Variants in FAT3 observed in about 807,000 individuals in gnomAD.
The protein encoded by FAT3 is protocadherin Fat 3.
A neutral mutation model predicts 310.2 loss-of-function variants in FAT3; 95 were observed. That is an observed-to-expected ratio of 0.31 (90% CI 0.26 to 0.36). The LOEUF is 0.36. FAT3 is among the 10% of genes least tolerant of loss of function. FAT3 has a pLI of 1.00. For synonymous variants in FAT3, 2,314 were observed against 2,192.9 expected (o/e 1.06, Z -1.54); for missense variants, 5,408 against 5,715.6 (o/e 0.95, Z 1.74).
rs747574052 is a variant in FAT3, at chr11:92,887,141, C to T, written c.13051+28C>T. On this transcript the variant is annotated intron_variant, in intron 25 of 27. Coordinates refer to ENST00000525166, the MANE Select transcript of FAT3 (RefSeq NM_001367949.2). ...AAGAAGTCATCAGATTTGTTCGGAG[C>T]GGGTGGGTTCTGCTTCCTGTTCTGG... 36 of 1,569,638 alleles carry T rather than the reference C, an allele frequency of 2.3e-5. No individual in the cohort carries two copies. In the East Asian group the frequency reaches 4.1e-4, roughly 18 times the overall value.
rs149423700 is a variant in FAT3, at chr11:92,876,033, G to A, written c.12128-4698G>A. On this transcript the variant is annotated intron_variant, in intron 22 of 27. Coordinates refer to ENST00000525166, the MANE Select transcript of FAT3 (RefSeq NM_001367949.2). Reference sequence around the variant, plus strand: ...TTTAAATGTCCCTCAGATCTGGACCGCCCCTCCTTGACCCTCCCCTGCCCC... The same window carrying A: ...TTTAAATGTCCCTCAGATCTGGACCACCCCTCCTTGACCCTCCCCTGCCCC... 1.4e-3 allele frequency among the ~76,000 whole-genome samples: 213 copies of A among 152,156 alleles called. 4 individuals carry two copies. In the East Asian group the frequency reaches 0.032, roughly 23 times the overall value.
chr11:92,262,349 G>C (rs1293929211), intron 1 of FAT3, among the ~76,000 whole-genome samples: 1 of 152,076 alleles, frequency 6.6e-6, no homozygotes, highest in Non-Finnish European at 1.5e-5. Flanking sequence ...TGGTTCTTTT[G>C]AGGACTGAAT....
At chr11:92,301,954 ACAT>A (rs1232427357) in intron 1 of FAT3, among the ~76,000 whole-genome samples, 1 of 152,102 alleles carries the variant, frequency 6.6e-6, no homozygotes, top group Non-Finnish European at 1.5e-5. Context: ...AATTCTACTG[ACAT>A]CATACTAATG....
intron 2 of FAT3, among the ~76,000 whole-genome samples, chr11:92,472,369 AT>A (rs961782013): frequency 6.6e-6 from 1 of 151,844 alleles, no homozygotes; most frequent in African/African-American, 2.4e-5. Context: ...TATTTTGAAT[AT>A]TTTTTTCTAC....
chr11:92,792,661 G>A (rs1486547783), intron 8 of FAT3, 106 bp from the exon 9 acceptor site: 2 of 1,059,520 alleles, frequency 1.9e-6, no homozygotes, highest in African/African-American at 3.1e-5. Context: ...ACTGGGTCAA[G>A]CACTTTGCGT....
intron 2 of FAT3, among the ~76,000 whole-genome samples, chr11:92,374,364 G>A (rs948471320): frequency 6.6e-6 from 1 of 152,192 alleles, no homozygotes; most frequent in Non-Finnish European, 1.5e-5. Context: ...GTGCTAAGCA[G>A]AAAAATAATG....
At chr11:92,241,011 A>G (rs1400032313) in intron 1 of FAT3, among the ~76,000 whole-genome samples, 1 of 152,030 alleles carries the variant, frequency 6.6e-6, no homozygotes, top group Non-Finnish European at 1.5e-5. Context: ...GTCACAACAA[A>G]ATAAAGCATG....
intron 20 of FAT3, among the ~76,000 whole-genome samples, chr11:92,858,642 A>G (rs1461749048): frequency 6.6e-6 from 1 of 152,248 alleles, no homozygotes; most frequent in Non-Finnish European, 1.5e-5. Context: ...AAGTGTGACT[A>G]CATGAATTTC....
chr11:92,388,608 T>A (rs1949679639), intron 2 of FAT3, among the ~76,000 whole-genome samples: 1 of 152,196 alleles, frequency 6.6e-6, no homozygotes, highest in South Asian at 2.1e-4. Flanking sequence ...TAGGATTTCC[T>A]TGTGGAGGGA....
intron 3 of FAT3, among the ~76,000 whole-genome samples, chr11:92,680,416 A>G (rs1239683257): frequency 6.6e-6 from 1 of 152,188 alleles, no homozygotes; most frequent in Admixed American, 6.5e-5. Context: ...TAAGTTGGCA[A>G]TAAATGTGTG....
At chr11:92,238,242 A>G (rs1864518138) in intron 1 of FAT3, among the ~76,000 whole-genome samples, 1 of 152,132 alleles carries the variant, frequency 6.6e-6, no homozygotes, top group Non-Finnish European at 1.5e-5. Context: ...TTTCTTCAAA[A>G]ATTATGCTAA....
chr11:92,489,881 C>A (rs1401349498), intron 2 of FAT3, among the ~76,000 whole-genome samples: 2 of 146,408 alleles, frequency 1.4e-5, no homozygotes, highest in Non-Finnish European at 3.0e-5. Context: ...TAGTTTTTTT[C>A]TTTTTCTTTT....
chr11:92,315,727 GCC>G (rs1375567887), intron 1 of FAT3, among the ~76,000 whole-genome samples: 1 of 151,588 alleles, frequency 6.6e-6, no homozygotes, highest in Admixed American at 6.6e-5. Context: ...TCTCCATGTT[GCC>G]CAGGCTGGTG....
At chr11:92,579,979 C>A (rs942783224) in intron 3 of FAT3, among the ~76,000 whole-genome samples, 1 of 152,084 alleles carries the variant, frequency 6.6e-6, no homozygotes, top group African/African-American at 2.4e-5. Flanking sequence ...AATAATTTGT[C>A]ATAGGCTAGA....
At chr11:92,268,733 A>T (rs1235084605) in intron 1 of FAT3, among the ~76,000 whole-genome samples, 1 of 152,250 alleles carries the variant, frequency 6.6e-6, no homozygotes, top group South Asian at 2.1e-4. Flanking sequence ...ATTCATGGAG[A>T]TTGACTAAAA....
intron 3 of FAT3, among the ~76,000 whole-genome samples, chr11:92,526,809 A>G (rs1267437085): frequency 2.6e-5 from 4 of 152,318 alleles, no homozygotes; most frequent in Middle Eastern, 3.4e-3. Context: ...CATTTTTGCC[A>G]GGAATGACAT....
At chr11:92,864,395 T>A (rs908365700) in intron 21 of FAT3, among the ~76,000 whole-genome samples, 3 of 152,220 alleles carry the variant, frequency 2.0e-5, no homozygotes, top group Admixed American at 2.0e-4. Flanking sequence ...GATGATTTAT[T>A]ACTTACATTA....
In FAT3 at chr11:92,663,635, C is replaced by T. The variant is rs559622548; in HGVS notation, c.3608-33749C>T. Among the ~76,000 whole-genome samples, 3 of 152,246 alleles carry T rather than the reference C, an allele frequency of 2.0e-5. No individual in the cohort carries two copies. The East Asian group carries it at 5.8e-4, about 29-fold the overall frequency. ...CTGCTCAGTTGGTCAAACTGAAAAG[C>T]ACATTAAAAAAAGTTATCGCCCTTA... On this transcript the variant is annotated intron_variant, in intron 3 of 27. Coordinates refer to ENST00000525166, the MANE Select transcript of FAT3 (RefSeq NM_001367949.2).
At chr11:92,581,673 A>C (rs111742780) in intron 3 of FAT3, among the ~76,000 whole-genome samples, 1 of 152,008 alleles carries the variant, frequency 6.6e-6, no homozygotes, top group Non-Finnish European at 1.5e-5. Flanking sequence ...ATTATGCCAT[A>C]AACTTCTTAT....
Sources: gnomAD v4.1 joint callset for allele counts (sites outside exome capture counted in the v4.1 genomes callset) on GRCh38, gnomAD v4.1.1 for gene constraint, MANE v1.5 for transcripts, NCBI Gene and HGNC (gene_info 2026-07-23, HGNC 2026-07-21) for gene names.